Variants in SAMD8 observed in about 807,000 individuals in gnomAD.
SAMD8 encodes sphingomyelin synthase-related protein 1.
In SAMD8, 20 loss-of-function variants were observed where a neutral mutation model predicts 42.0. That is an observed-to-expected ratio of 0.48 (90% CI 0.34 to 0.69). The LOEUF (loss-of-function observed/expected upper bound fraction) is 0.69. SAMD8 is among the 30% of genes least tolerant of loss of function. SAMD8 has a pLI of 0.01. For missense variants in SAMD8, 328 were observed against 511.6 expected, an observed-to-expected ratio of 0.64 and a Z score of 3.46; for synonymous variants, 162 against 173.0, an observed-to-expected ratio of 0.94 and a Z score of 0.50.
intron 1 of SAMD8, among the ~76,000 whole-genome samples, chr10:75,106,637 T>C (rs1364130602): frequency 1.3e-5 from 2 of 152,216 alleles, no homozygotes; most frequent in East Asian, 3.9e-4. Context: ...CCCTCCACAC[T>C]GGCCCACTCT....
At chr10:75,167,890 G>A (rs1310542587) in intron 3 of SAMD8, among the ~76,000 whole-genome samples, 2 of 152,208 alleles carry the variant, frequency 1.3e-5, no homozygotes, top group African/African-American at 4.8e-5. Flanking sequence ...ACCATCCTCG[G>A]CCAACTTTAT....
rs1315313812 is a variant in SAMD8, at chr10:75,150,756, G to A, written c.228G>A (p.Gln76=). 1 of 1,614,178 alleles carries A rather than the reference G, an allele frequency of 6.2e-7. No homozygotes were observed. The highest frequency in any genetic ancestry group is 2.2e-5 in the East Asian group (1 of 44,884). The change falls in exon 2 of 6, where the codon CAG becomes CAA. Residue 76 remains glutamine (Q), a synonymous_variant. Coordinates refer to ENST00000542569, the MANE Select transcript of SAMD8 (RefSeq NM_001174156.2). ...KRLMLSVRKL[Q]KIHIDVLEEM... ...TAATGCTCTCAGTCCGAAAATTGCAGAAAATACATATTGATGTTTTAGAAG... is the reference window on the plus strand; with the variant it reads ...TAATGCTCTCAGTCCGAAAATTGCAAAAAATACATATTGATGTTTTAGAAG...
intron 2 of SAMD8, among the ~76,000 whole-genome samples, chr10:75,154,199 A>G (rs1320514630): frequency 6.6e-6 from 1 of 152,166 alleles, no homozygotes; most frequent in African/African-American, 2.4e-5. Context: ...ACAAACCCAA[A>G]ATTAACCTAA....
chr10:75,144,512 A>G (rs1466912727), intron 1 of SAMD8, among the ~76,000 whole-genome samples: 1 of 152,150 alleles, frequency 6.6e-6, no homozygotes, highest in Non-Finnish European at 1.5e-5. Flanking sequence ...TCCTTTTGTG[A>G]CTGGCTTATT....
intron 2 of SAMD8, among the ~76,000 whole-genome samples, chr10:75,151,455 G>T (rs1174502799): frequency 6.6e-6 from 1 of 151,786 alleles, no homozygotes; most frequent in Non-Finnish European, 1.5e-5. Context: ...CCGGGCTCAA[G>T]CAATCCTCCC....
chr10:75,171,160 CTT>C (rs1003923090), intron 4 of SAMD8, among the ~76,000 whole-genome samples: 7 of 68,516 alleles, frequency 1.0e-4, no homozygotes, highest in East Asian at 5.4e-4. Context: ...CTTTCTTTTT[CTT>C]TTTTTTTTTT....
At chr10:75,172,726 G>C (rs1408526320) in intron 4 of SAMD8, among the ~76,000 whole-genome samples, 2 of 152,154 alleles carry the variant, frequency 1.3e-5, no homozygotes, top group East Asian at 3.9e-4. Flanking sequence ...TTGAACTCCT[G>C]ACCCCATGAT....
chr10:75,112,217 C>G (rs1190667667), intron 1 of SAMD8, among the ~76,000 whole-genome samples: 1 of 152,114 alleles, frequency 6.6e-6, no homozygotes, highest in Non-Finnish European at 1.5e-5. Context: ...TTATCCGCCT[C>G]CCACCCCGGG....
chr10:75,114,579 T>A (rs1848835587), intron 1 of SAMD8, among the ~76,000 whole-genome samples: 1 of 152,234 alleles, frequency 6.6e-6, no homozygotes, highest in Admixed American at 6.5e-5. Context: ...TTTCTAAGAA[T>A]TGAAATTTGA....
chr10:75,168,492 TGG>T, intron 3 of SAMD8, 47 bp from the exon 4 acceptor site: 1 of 1,594,646 alleles, frequency 6.3e-7, no homozygotes, highest in Admixed American at 1.7e-5. Flanking sequence ...TGGGGTTTTT[TGG>T]TTTGTTTTCT....
chr10:75,121,554 A>G (rs138506253), intron 1 of SAMD8, among the ~76,000 whole-genome samples: 5 of 152,306 alleles, frequency 3.3e-5, no homozygotes, highest in South Asian at 2.1e-4. Flanking sequence ...GCTGTTTCCA[A>G]CATCACACTG....
intron 2 of SAMD8, among the ~76,000 whole-genome samples, chr10:75,161,527 G>A (rs773596440): frequency 6.6e-6 from 1 of 151,318 alleles, no homozygotes; most frequent in Non-Finnish European, 1.5e-5. Flanking sequence ...GAAACCAGAC[G>A]TCTGAGAAAA....
intron 4 of SAMD8, among the ~76,000 whole-genome samples, chr10:75,169,487 CAAAG>C (rs146643164): frequency 6.4e-4 from 97 of 150,910 alleles, no homozygotes; most frequent in African/African-American, 1.3e-3. Flanking sequence ...GTCTCAAAAA[CAAAG>C]AAAGAAAGAA....
chr10:75,106,517 A>C (rs1848520612), intron 1 of SAMD8, among the ~76,000 whole-genome samples: 1 of 152,082 alleles, frequency 6.6e-6, no homozygotes, highest in Non-Finnish European at 1.5e-5. Context: ...TGCTTGAATC[A>C]CAAAGCAGCT....
intron 2 of SAMD8, among the ~76,000 whole-genome samples, chr10:75,162,292 G>A (rs1840574914): frequency 6.6e-6 from 1 of 152,188 alleles, no homozygotes; most frequent in Non-Finnish European, 1.5e-5. Context: ...TCAGGAGGTG[G>A]AGGTTGCAAT....
intron 1 of SAMD8, among the ~76,000 whole-genome samples, chr10:75,127,666 C>T (rs539790982): frequency 1.3e-5 from 2 of 152,326 alleles, no homozygotes; most frequent in South Asian, 2.1e-4. Context: ...ACTCTGCTGA[C>T]ATCACATATC....
At chr10:75,139,189 A>C (rs554894243) in intron 1 of SAMD8, among the ~76,000 whole-genome samples, 1 of 151,796 alleles carries the variant, frequency 6.6e-6, no homozygotes, top group South Asian at 2.1e-4. Context: ...GGCTGGTCTC[A>C]AACTCCTGAC....
At position 75,178,885 on chromosome 10, in the gene SAMD8, T is replaced by C. The variant is rs1401795722; in HGVS notation, c.*2193T>C. On this transcript the variant is annotated 3_prime_UTR_variant, in exon 6 of 6. Transcript: ENST00000542569. ...CTCTACTAAAACTACAAAAATTAGC[T>C]GGGCATGGTGGCACGCACTTGTAAT... The C allele has an allele frequency of 6.6e-6, 1 of 152,118 alleles. No individual in the cohort carries two copies. The highest frequency in any genetic ancestry group is 2.4e-5 in the African/African-American group (1 of 41,392). The allele number at this position is 152,118 out of a possible 1,614,324, so 9.4% of individuals were successfully genotyped here.
chr10:75,159,839 G>T (rs1458363990), intron 2 of SAMD8, among the ~76,000 whole-genome samples: 1 of 152,142 alleles, frequency 6.6e-6, no homozygotes, highest in Admixed American at 6.6e-5. Flanking sequence ...CCACTACCCT[G>T]TGGGTTTTCT....
Sources: gnomAD v4.1 joint callset for allele counts (sites outside exome capture counted in the v4.1 genomes callset) on GRCh38, gnomAD v4.1.1 for gene constraint, MANE v1.5 for transcripts, NCBI Gene and HGNC (gene_info 2026-07-23, HGNC 2026-07-21) for gene names.